The following ERN1 variants were observed in gnomAD, a reference collection of about 807,000 sequenced individuals.
ERN1 encodes serine/threonine-protein kinase/endoribonuclease IRE1.
A neutral mutation model predicts 113.1 loss-of-function variants in ERN1; 39 were observed. That is an observed-to-expected ratio of 0.34 (90% CI 0.27 to 0.45). ERN1 has a LOEUF of 0.45. ERN1 is among the 20% of genes least tolerant of loss of function. The pLI is 1.00. For synonymous variants in ERN1, 507 were observed against 515.9 expected, an observed-to-expected ratio of 0.98 and a Z score of 0.23; for missense variants, 976 against 1,274.8, an observed-to-expected ratio of 0.77 and a Z score of 3.57.
In ERN1 at chr17:64,041,617, C is replaced by A. The variant is rs576618948; in HGVS notation, c.*2371G>T. On this transcript the variant is annotated 3_prime_UTR_variant, in exon 22 of 22. Transcript: ENST00000433197. The stretch of plus-strand genomic sequence containing the variant: ...TCCTAAAGGCGACTAAGAGGAAAGA[C>A]CAGAGGTGACCGGACCAGATCCCTG... 1 of 152,250 alleles carries A rather than the reference C, an allele frequency of 6.6e-6. No homozygotes were observed. The highest frequency in any genetic ancestry group is 1.9e-4 in the East Asian group (1 of 5,182). The allele number at this position is 152,250 out of a possible 1,614,324, so 9.4% of individuals were successfully genotyped here. A position where few individuals can be genotyped will look rare whatever the true frequency, so the allele number is the denominator to read the frequency against.
At chr17:64,104,044 G>A (rs892039276) in intron 1 of ERN1, among the ~76,000 whole-genome samples, 20 of 151,566 alleles carry the variant, frequency 1.3e-4, no homozygotes, top group Middle Eastern at 3.4e-3. Context: ...TTTCAGGCCA[G>A]CCTGTGCAAT....
intron 16 of ERN1, 93 bp from the exon 17 acceptor site, chr17:64,053,072 G>A: frequency 9.3e-7 from 1 of 1,077,466 alleles, no homozygotes; most frequent in Non-Finnish European, 1.3e-6. Flanking sequence ...CTCCCAATAT[G>A]CCTGCCGCCA....
chr17:64,120,128 G>A (rs1169448569), intron 1 of ERN1, among the ~76,000 whole-genome samples: 3 of 152,026 alleles, frequency 2.0e-5, no homozygotes, highest in Non-Finnish European at 4.4e-5. Context: ...CATTCACATA[G>A]GATGGGGCCC....
At chr17:64,081,408 A>C (rs1913763973) in intron 2 of ERN1, among the ~76,000 whole-genome samples, 1 of 152,206 alleles carries the variant, frequency 6.6e-6, no homozygotes, top group Non-Finnish European at 1.5e-5. Context: ...GTTTTTGTAC[A>C]AAGATGTGTA....
rs1327211487 is a variant in ERN1 at position 64,039,619 on chromosome 17, T to C, written c.*4369A>G. On this transcript the variant is annotated 3_prime_UTR_variant, in exon 22 of 22. Coordinates refer to ENST00000433197, the MANE Select transcript of ERN1 (RefSeq NM_001433.5). ...AAGTACAATTGTAACTGGATACATT[T>C]CAGAGTAAAAATTAAATAAATATAA... 6.6e-6 allele frequency: 1 copy of C among 152,222 alleles called. No individual in the cohort carries two copies. The highest frequency in any genetic ancestry group is 6.5e-5 in the Admixed American group (1 of 15,284). The allele number at this position is 152,222 out of a possible 1,614,324, so 9.4% of individuals were successfully genotyped here. A position where few individuals can be genotyped will look rare whatever the true frequency, so the allele number is the denominator to read the frequency against.
intron 1 of ERN1, among the ~76,000 whole-genome samples, chr17:64,128,277 C>T (rs534953058): frequency 6.6e-6 from 1 of 151,496 alleles, no homozygotes; most frequent in Admixed American, 6.6e-5. Flanking sequence ...TCCCAAAGTG[C>T]TGGGATTACA....
At position 64,057,891 on chromosome 17, in the gene ERN1, C is replaced by T. The variant is rs1297884889; in HGVS notation, c.1309G>A (p.Val437Met). ...GCCATGTCCTTAAGCATGGAGTCCA[C>T]GGGGGCCTCGGGCCGGGCAGGGGCA... ...AHAPARPEAPVDSMLKDMATI... is the reference protein window; with the variant it reads ...AHAPARPEAPMDSMLKDMATI... The change falls in exon 12 of 22, where the codon GTG becomes ATG. Residue 437 changes from valine to methionine, a missense_variant. Transcript: ENST00000433197. 1.5e-5 allele frequency: 24 copies of T among 1,613,360 alleles called. No homozygotes were observed. Among genetic ancestry groups the T allele is most frequent in the Non-Finnish European group, 1.9e-5 (22 of 1,179,692 alleles).
chr17:64,052,533 CA>C (rs1474070769), intron 17 of ERN1, among the ~76,000 whole-genome samples: 4 of 16,770 alleles, frequency 2.4e-4, no homozygotes, highest in East Asian at 7.4e-3. Context: ...GCCAACCAAC[CA>C]AACAAAAAAA....
chr17:64,086,235 C>A (rs997082759), intron 2 of ERN1, among the ~76,000 whole-genome samples: 1 of 152,218 alleles, frequency 6.6e-6, no homozygotes, highest in Non-Finnish European at 1.5e-5. Context: ...ACTATCTTCA[C>A]CATCAAGATA....
At chr17:64,093,353 C>T (rs1463451565) in intron 2 of ERN1, among the ~76,000 whole-genome samples, 1 of 152,188 alleles carries the variant, frequency 6.6e-6, no homozygotes. Context: ...TAGTGCAGTA[C>T]ACCCCTGCCT....
intron 20 of ERN1, 90 bp downstream of exon 20, chr17:64,045,269 C>G (rs908228308): frequency 2.0e-6 from 3 of 1,504,690 alleles, no homozygotes; most frequent in Non-Finnish European, 2.7e-6. Flanking sequence ...GGGGCCTGAA[C>G]AGCCTGGAGC....
At position 64,040,717 on chromosome 17, in the gene ERN1, A is replaced by G. The variant is rs1912310304; in HGVS notation, c.*3271T>C. The G allele has an allele frequency of 6.6e-6, 1 of 152,202 alleles. No homozygotes were observed. The allele number at this position is 152,202 out of a possible 1,614,324, so 9.4% of individuals were successfully genotyped here. A position where few individuals can be genotyped will look rare whatever the true frequency, so the allele number is the denominator to read the frequency against. On this transcript the variant is annotated 3_prime_UTR_variant, in exon 22 of 22. Coordinates refer to ENST00000433197, the MANE Select transcript of ERN1 (RefSeq NM_001433.5). ...CTCTGACCACCACTGCACTGAGAAC[A>G]CGGCGGGAGTGAGAACACCTGCGCA...
intron 5 of ERN1, 198 bp downstream of exon 5, chr17:64,074,977 T>C: frequency 1.7e-6 from 1 of 581,056 alleles, no homozygotes; most frequent in Non-Finnish European, 3.0e-6. Context: ...ATATTAATGA[T>C]GTCAATTCTT....
At chr17:64,072,453 T>C (rs1462467334) in intron 5 of ERN1, among the ~76,000 whole-genome samples, 2 of 152,268 alleles carry the variant, frequency 1.3e-5, no homozygotes, top group Non-Finnish European at 2.9e-5. Flanking sequence ...TCCCGTGGAC[T>C]GGGATCTATA....
At chr17:64,048,916 TG>T in intron 18 of ERN1, 138 bp downstream of exon 18, 1 of 777,184 alleles carries the variant, frequency 1.3e-6, no homozygotes, top group Non-Finnish European at 1.8e-6. Context: ...GGCACAAGTC[TG>T]GAGGTCCTGA....
chr17:64,058,204 G>A (rs1468016490), intron 11 of ERN1, among the ~76,000 whole-genome samples: 1 of 152,180 alleles, frequency 6.6e-6, no homozygotes, highest in African/African-American at 2.4e-5. Flanking sequence ...TTTGCAGTGA[G>A]GTTATCATTA....
intron 8 of ERN1, 56 bp downstream of exon 8, chr17:64,066,615 A>C: frequency 6.3e-7 from 1 of 1,597,370 alleles, no homozygotes; most frequent in Non-Finnish European, 8.5e-7. Context: ...ACACTGCAAC[A>C]GCACCAGAAC....
At chr17:64,072,930 G>A (rs562316995) in intron 5 of ERN1, among the ~76,000 whole-genome samples, 1 of 151,998 alleles carries the variant, frequency 6.6e-6, no homozygotes, top group Admixed American at 6.5e-5. Flanking sequence ...CTAACTTATT[G>A]GAAAAGTCTC....
At chr17:64,118,605 C>A (rs1201895889) in intron 1 of ERN1, among the ~76,000 whole-genome samples, 2 of 152,164 alleles carry the variant, frequency 1.3e-5, no homozygotes, top group Non-Finnish European at 2.9e-5. Context: ...TTGGTTCCAG[C>A]AGAGTTTTGG....
Sources: gnomAD v4.1 joint callset for allele counts (sites outside exome capture counted in the v4.1 genomes callset) on GRCh38, gnomAD v4.1.1 for gene constraint, MANE v1.5 for transcripts, NCBI Gene and HGNC (gene_info 2026-07-23, HGNC 2026-07-21) for gene names.